Variants in TLL2 observed in about 807,000 individuals in gnomAD.
TLL2 encodes the protein tolloid like 2, also known as tolloid-like protein 2.
In TLL2, 106 loss-of-function variants were observed where a neutral mutation model predicts 123.0. That is an observed-to-expected ratio of 0.86 (90% CI 0.74 to 1.01). The LOEUF (loss-of-function observed/expected upper bound fraction) is 1.01, where lower values mean the gene tolerates loss of function less well. Ranked by LOEUF, TLL2 falls within the 50% of genes least tolerant of loss-of-function variation. The probability of loss-of-function intolerance (pLI) is 0.00; values close to 1 mark genes in which losing one functional copy is unlikely to be tolerated. For synonymous variants in TLL2, 494 were observed against 516.8 expected (o/e 0.96, Z 0.60); for missense variants, 1,332 against 1,336.7 (o/e 1.00, Z 0.06).
chr10:96,401,002 C>T (rs573057971), intron 10 of TLL2, among the ~76,000 whole-genome samples: 1 of 152,256 alleles, frequency 6.6e-6, no homozygotes, highest in Non-Finnish European at 1.5e-5. Context: ...GAAAAATAGC[C>T]TCCTTCCAAG....
intron 4 of TLL2, among the ~76,000 whole-genome samples, chr10:96,431,575 G>A (rs1215522515): frequency 6.6e-6 from 1 of 152,168 alleles, no homozygotes; most frequent in Non-Finnish European, 1.5e-5. Context: ...ATTGGCCGCA[G>A]GTACGCAGTG....
At chr10:96,413,474 C>G (rs945214300) in intron 7 of TLL2, among the ~76,000 whole-genome samples, 158 bp from the exon 8 acceptor site, 4 of 152,232 alleles carry the variant, frequency 2.6e-5, no homozygotes, top group Non-Finnish European at 5.9e-5. Flanking sequence ...GTTTCCTTCG[C>G]TCATGCTAGC....
Position 96,370,163 on chromosome 10 carries a change from C to T in TLL2, c.2815G>A (p.Glu939Lys). The T allele has an allele frequency of 6.2e-7, 1 of 1,614,126 alleles. No individual in the cohort carries two copies. Among genetic ancestry groups the T allele is most frequent in the Non-Finnish European group, 8.5e-7 (1 of 1,179,992 alleles). The change falls in exon 20 of 21, where the codon GAG becomes AAG. Residue 939 changes from glutamate (E) to lysine (K), a missense_variant. Transcript: ENST00000357947. ...YGVELTFRTF[E>K]VEEEADCGYD... Reference sequence around the variant, plus strand: ...CCGCAGTCGGCCTCCTCCTCAACCTCAAAGGTCCGGAATGTCAGCTCCACG... The same window carrying T: ...CCGCAGTCGGCCTCCTCCTCAACCTTAAAGGTCCGGAATGTCAGCTCCACG...
intron 19 of TLL2, among the ~76,000 whole-genome samples, chr10:96,372,544 A>T (rs1370152467): frequency 2.6e-5 from 4 of 152,248 alleles, no homozygotes; most frequent in Admixed American, 1.3e-4. Context: ...CGAAGTAGAT[A>T]ATATAAGTTA....
At chr10:96,432,721 C>A in intron 4 of TLL2, 86 bp downstream of exon 4, 1 of 1,528,108 alleles carries the variant, frequency 6.5e-7, no homozygotes, top group East Asian at 2.3e-5. Context: ...TGCTCCATCC[C>A]ACCCGGGTCC....
At chr10:96,511,204 G>A (rs1847626719) in intron 1 of TLL2, among the ~76,000 whole-genome samples, 1 of 152,206 alleles carries the variant, frequency 6.6e-6, no homozygotes, top group Non-Finnish European at 1.5e-5. Flanking sequence ...TGCCCCTAAA[G>A]GTTTGCCTTA....
At position 96,395,396 on chromosome 10, in the gene TLL2, C is replaced by G. The variant is rs1182397546; in HGVS notation, c.1531-14G>C. ...GTGCCTTTCAATCTAAAGGAAGAAA[C>G]AGAGGCAAGGTGGATGGCAGATGGT... On this transcript the variant is annotated splice_polypyrimidine_tract_variant and intron_variant, in intron 12 of 20. Coordinates refer to ENST00000357947, the MANE Select transcript of TLL2 (RefSeq NM_012465.4). 26 of 1,565,300 alleles carry G rather than the reference C, an allele frequency of 1.7e-5. No homozygotes were observed. Among genetic ancestry groups the G allele is most frequent in the Non-Finnish European group, 2.2e-5 (26 of 1,156,688 alleles).
intron 13 of TLL2, among the ~76,000 whole-genome samples, chr10:96,394,983 G>A (rs778519014): frequency 6.6e-6 from 1 of 152,152 alleles, no homozygotes; most frequent in Non-Finnish European, 1.5e-5. Context: ...ACTTTCTATC[G>A]TGTGGAAGCC....
Position 96,432,664 on chromosome 10 carries a change from G to A in TLL2, c.520+143C>T, listed in dbSNP as rs575639360. On this transcript the variant is annotated intron_variant, in intron 4 of 20. Transcript: ENST00000357947. ...CAGGACTGGTGGGCCAGGACTTGCC[G>A]GCAAGAGGGGGGCATCATCTGTAGG... 3.6e-5 allele frequency: 38 copies of A among 1,063,652 alleles called. 1 individual carries two copies. In the East Asian group the frequency reaches 4.9e-4, roughly 14 times the overall value. The allele number at this position is 1,063,652 out of a possible 1,614,324, so 65.9% of individuals were successfully genotyped here.
At chr10:96,419,391 C>T (rs1846597544) in intron 7 of TLL2, among the ~76,000 whole-genome samples, 1 of 152,146 alleles carries the variant, frequency 6.6e-6, no homozygotes, top group African/African-American at 2.4e-5. Context: ...CACACAGCTG[C>T]CCCTAATTAC....
chr10:96,427,168 A>G (rs1201509294), intron 5 of TLL2, among the ~76,000 whole-genome samples: 1 of 152,126 alleles, frequency 6.6e-6, no homozygotes, highest in Non-Finnish European at 1.5e-5. Context: ...TGTTTATTCT[A>G]TTTTTGTTAT....
intron 5 of TLL2, among the ~76,000 whole-genome samples, chr10:96,424,401 T>C (rs571499985): frequency 1.3e-5 from 2 of 152,314 alleles, no homozygotes; most frequent in East Asian, 1.9e-4. Flanking sequence ...GTTGCATGCC[T>C]GTATCAAAAC....
chr10:96,418,277 T>A (rs904105231), intron 7 of TLL2, among the ~76,000 whole-genome samples: 1 of 152,202 alleles, frequency 6.6e-6, no homozygotes, highest in Admixed American at 6.5e-5. Flanking sequence ...TGCTGGAAGA[T>A]CCTCTGCCTG....
rs1399312428 is a variant in TLL2 at position 96,425,836 on chromosome 10, C to G, written c.638+2795G>C. Among the ~76,000 whole-genome samples the G allele has an allele frequency of 9.2e-5, 14 of 152,112 alleles. No individual in the cohort carries two copies. In the East Asian group the frequency reaches 2.5e-3, roughly 27 times the overall value. On this transcript the variant is annotated intron_variant, in intron 5 of 20. Transcript: ENST00000357947. ...CTGCCAATATTCACAGTTTTTCTTTCTTTCTCTTGTCTAATTTATATTAAT... is the reference window on the plus strand; with the variant it reads ...CTGCCAATATTCACAGTTTTTCTTTGTTTCTCTTGTCTAATTTATATTAAT...
At position 96,491,382 on chromosome 10, in the gene TLL2, C is replaced by CAA. The variant is rs56077935; in HGVS notation, c.176-10925_176-10924dup. Among the ~76,000 whole-genome samples the CAA allele has an allele frequency of 4.8e-3, 620 of 129,790 alleles. 4 individuals are homozygous for CAA. The highest frequency in any genetic ancestry group is 0.012 in the Middle Eastern group (3 of 258). 85.1% of individuals were successfully genotyped at this position (129,790 alleles called of 152,430 possible). A position where few individuals can be genotyped will look rare whatever the true frequency, so the allele number is the denominator to read the frequency against. On this transcript the variant is annotated intron_variant, in intron 1 of 20. Transcript: ENST00000357947. ...GAGCAACAAGAGCAAAACTCTGTCT[C>CAA]AAAAAAAAAAAAAAAAGAAAAGAAA...
intron 2 of TLL2, among the ~76,000 whole-genome samples, chr10:96,455,674 G>A (rs1007496822): frequency 1.3e-5 from 2 of 152,182 alleles, no homozygotes; most frequent in Non-Finnish European, 2.9e-5. Flanking sequence ...TACCCTATAT[G>A]ATCTAAAACG....
At chr10:96,386,838 C>T in intron 14 of TLL2, 115 bp downstream of exon 14, 1 of 1,475,336 alleles carries the variant, frequency 6.8e-7, no homozygotes, top group East Asian at 2.3e-5. Flanking sequence ...TCCACCATGT[C>T]TGCCCATTGC....
chr10:96,504,535 A>C (rs1847560980), intron 1 of TLL2, among the ~76,000 whole-genome samples: 1 of 152,098 alleles, frequency 6.6e-6, no homozygotes, highest in Non-Finnish European at 1.5e-5. Context: ...ACTTGAACCC[A>C]GGAGGCAGAG....
intron 1 of TLL2, among the ~76,000 whole-genome samples, chr10:96,501,346 C>T (rs1847531543): frequency 6.6e-6 from 1 of 152,300 alleles, no homozygotes; most frequent in South Asian, 2.1e-4. Flanking sequence ...CCCTCCCACC[C>T]ACAGAGCCAC....
Sources: gnomAD v4.1 joint callset for allele counts (sites outside exome capture counted in the v4.1 genomes callset) on GRCh38, gnomAD v4.1.1 for gene constraint, MANE v1.5 for transcripts, NCBI Gene and HGNC (gene_info 2026-07-23, HGNC 2026-07-21) for gene names.